Variants in LAMA2 observed in about 807,000 individuals in gnomAD.
The protein encoded by LAMA2 is laminin subunit alpha-2.
In LAMA2, 269 loss-of-function variants were observed where a neutral mutation model predicts 364.8. The observed-to-expected ratio is 0.74, with a 90% CI of 0.67 to 0.82. The LOEUF is 0.82. LAMA2 is among the 40% of genes least tolerant of loss of function. LAMA2 has a pLI of 0.00. For synonymous variants in LAMA2, 1,379 were observed against 1,370.6 expected (o/e 1.01, Z -0.14); for missense variants, 3,807 against 3,873.2 (o/e 0.98, Z 0.45).
At chr6:129,460,156 G>T in intron 48 of LAMA2, 44 bp from the exon 49 acceptor site, 2 of 1,598,638 alleles carry the variant, frequency 1.3e-6, no homozygotes, top group South Asian at 2.2e-5. Flanking sequence ...AAGATTATTT[G>T]TGAAATTCCA....
chr6:129,279,969 G>A, intron 17 of LAMA2, 92 bp from the exon 18 acceptor site: 1 of 836,380 alleles, frequency 1.2e-6, no homozygotes, highest in South Asian at 1.4e-5. Context: ...TTTTGTCAGA[G>A]CAGTAGTGGA....
rs137878770 is a variant in LAMA2 at position 129,228,159 on chromosome 6, G to A, written c.1783-21953G>A. 1.0e-3 allele frequency among the ~76,000 whole-genome samples: 157 copies of A among 152,294 alleles called. 1 individual carries two copies. Among genetic ancestry groups the A allele is most frequent in the Non-Finnish European group, 1.8e-3 (122 of 68,036 alleles). ...GTGGGATATAATCTCCTGGTGTGCC[G>A]TTTGCTAAGACCATTGGAAAAGCGT... On this transcript the variant is annotated intron_variant, in intron 12 of 64. Coordinates refer to ENST00000421865, the MANE Select transcript of LAMA2 (RefSeq NM_000426.4).
chr6:129,049,828 A>C, intron 1 of LAMA2, 90 bp from the exon 2 acceptor site: 1 of 1,213,794 alleles, frequency 8.2e-7, no homozygotes, highest in Non-Finnish European at 1.2e-6. Context: ...TAATGCTCCG[A>C]AAAATATTTT....
chr6:129,217,942 G>A (rs1783533739), intron 12 of LAMA2, among the ~76,000 whole-genome samples: 1 of 152,032 alleles, frequency 6.6e-6, no homozygotes, highest in Non-Finnish European at 1.5e-5. Flanking sequence ...ATAAACTTGG[G>A]CCTGTAGCCA....
rs747215316 is a variant in LAMA2 at position 129,481,383 on chromosome 6, T to C, written c.7693T>C (p.Leu2565=). 3 of 1,613,900 alleles carry C rather than the reference T, an allele frequency of 1.9e-6. No individual in the cohort carries two copies. Among genetic ancestry groups the C allele is most frequent in the Admixed American group, 1.7e-5 (1 of 60,000 alleles). ...CAAGAATGAGTCCGGCATCATTCTT[T>C]TGGGAAGTGGAGGGACACCAGCACC... ...STKNESGIIL[L]GSGGTPAPPR... The change falls in exon 55 of 65, where the codon TTG becomes CTG. Residue 2565 remains leucine, a synonymous_variant. Coordinates refer to ENST00000421865, the MANE Select transcript of LAMA2 (RefSeq NM_000426.4).
intron 40 of LAMA2, among the ~76,000 whole-genome samples, chr6:129,419,989 A>AT (rs1229587951): frequency 6.6e-6 from 1 of 152,116 alleles, no homozygotes; most frequent in Non-Finnish European, 1.5e-5. Flanking sequence ...ATTGTGTATG[A>AT]TTTTTTAAAT....
chr6:129,367,183 G>C (rs1777823084), intron 33 of LAMA2, among the ~76,000 whole-genome samples: 1 of 152,144 alleles, frequency 6.6e-6, no homozygotes, highest in Non-Finnish European at 1.5e-5. Context: ...TAACGAGGTA[G>C]GAGAAAACAT....
chr6:129,486,622 G>A lies in LAMA2; in HGVS notation c.7898G>A (p.Gly2633Asp). ...TCCGTTCATGTAGAGCGAACTAGAG[G>A]GTAACAATAGCACTAAAATATTTAT... The part of the protein sequence containing the change: ...EHSVHVERTR[G>D]IFTVQVDENR... Residue 2633 changes from glycine (G) to aspartate (D), a missense_variant and splice_region_variant, in exon 56 of 65, where the codon GGC (glycine) becomes GAC (aspartate). Gly to Asp is a moderately conservative substitution (Grantham distance 94, BLOSUM62 -1). Transcript: ENST00000421865. The A allele has an allele frequency of 6.2e-7, 1 of 1,612,738 alleles. No individual in the cohort carries two copies. Among genetic ancestry groups the A allele is most frequent in the Non-Finnish European group, 8.5e-7 (1 of 1,178,916 alleles).
At chr6:129,486,423 A>G (rs375863734) in intron 55 of LAMA2, 51 bp from the exon 56 acceptor site, 126 of 1,578,748 alleles carry the variant, frequency 8.0e-5, no homozygotes, top group Non-Finnish European at 1.1e-4. Context: ...TCTAAAGCTA[A>G]GCCATAAATG....
chr6:129,335,342 T>G (rs970893577), intron 29 of LAMA2, among the ~76,000 whole-genome samples: 1 of 146,528 alleles, frequency 6.8e-6, no homozygotes, highest in African/African-American at 2.5e-5. Flanking sequence ...TACACACACA[T>G]AGGTAGTAAG....
chr6:129,241,147 G>GT, intron 12 of LAMA2, among the ~76,000 whole-genome samples: 1 of 152,270 alleles, frequency 6.6e-6, no homozygotes. Context: ...ATTTATCCCA[G>GT]TTTTTTATGC....
At chr6:129,078,463 G>A (rs1328874242) in intron 3 of LAMA2, among the ~76,000 whole-genome samples, 1 of 151,792 alleles carries the variant, frequency 6.6e-6, no homozygotes, top group African/African-American at 2.4e-5. Flanking sequence ...TTTCAATTTT[G>A]CTTTGAACCT....
intron 28 of LAMA2, among the ~76,000 whole-genome samples, chr6:129,327,288 C>G (rs560649240): frequency 6.6e-6 from 1 of 152,204 alleles, no homozygotes; most frequent in Admixed American, 6.5e-5. Context: ...TGTCTCTGGA[C>G]TGTCTAGGCC....
intron 14 of LAMA2, among the ~76,000 whole-genome samples, chr6:129,256,798 A>G (rs1230824167): frequency 7.1e-6 from 1 of 141,652 alleles, no homozygotes; most frequent in Non-Finnish European, 1.5e-5. Flanking sequence ...ATATATATAT[A>G]TAGTGGGTAG....
At chr6:128,944,218 G>C (rs1780354550) in intron 1 of LAMA2, among the ~76,000 whole-genome samples, 1 of 152,136 alleles carries the variant, frequency 6.6e-6, no homozygotes, top group Non-Finnish European at 1.5e-5. Context: ...TGCTGACAAT[G>C]CACAGTTAAG....
At chr6:129,345,339 C>A (rs779626907) in intron 30 of LAMA2, among the ~76,000 whole-genome samples, 1 of 152,002 alleles carries the variant, frequency 6.6e-6, no homozygotes, top group African/African-American at 2.4e-5. Context: ...AGGGTAGGCC[C>A]GGTTTTGGTT....
At chr6:128,938,034 C>T (rs1436960720) in intron 1 of LAMA2, among the ~76,000 whole-genome samples, 2 of 151,984 alleles carry the variant, frequency 1.3e-5, no homozygotes, top group South Asian at 2.1e-4. Flanking sequence ...TCTTCTTTGA[C>T]CCATTGGTCA....
chr6:128,926,382 T>C (rs1442319473), intron 1 of LAMA2, among the ~76,000 whole-genome samples: 1 of 152,220 alleles, frequency 6.6e-6, no homozygotes, highest in Non-Finnish European at 1.5e-5. Context: ...GAACATATCA[T>C]ATCCCAAATT....
At chr6:129,038,100 TA>T (rs893824651) in intron 1 of LAMA2, among the ~76,000 whole-genome samples, 1 of 152,170 alleles carries the variant, frequency 6.6e-6, no homozygotes, top group Admixed American at 6.5e-5. Flanking sequence ...AAGAGCACAT[TA>T]AAAAATAACT....
Sources: allele counts gnomAD v4.1 joint callset (sites outside exome capture counted in the v4.1 genomes callset), GRCh38; gene constraint gnomAD v4.1.1; transcripts MANE v1.5; gene names NCBI Gene and HGNC (gene_info 2026-07-23, HGNC 2026-07-21).